The following RALGPS1 variants were observed in gnomAD, a reference collection of about 807,000 sequenced individuals.
RALGPS1 encodes the protein Ral GEF with PH domain and SH3 binding motif 1.
In RALGPS1, 19 loss-of-function variants were observed where a neutral mutation model predicts 78.8. The observed-to-expected ratio is 0.24, with a 90% confidence interval of 0.17 to 0.35. RALGPS1 has a LOEUF of 0.35. RALGPS1 is among the 10% of genes least tolerant of loss of function. The pLI is 1.00. For missense variants in RALGPS1, 454 were observed against 688.3 expected (o/e 0.66, Z 3.81); for synonymous variants, 228 against 256.3 (o/e 0.89, Z 1.06).
chr9:126,935,979 C>T (rs1225982204), intron 1 of RALGPS1, among the ~76,000 whole-genome samples: 1 of 152,194 alleles, frequency 6.6e-6, no homozygotes, highest in Non-Finnish European at 1.5e-5. Context: ...GCTGAATTGG[C>T]CCGAGTCCAT....
At chr9:127,204,078 A>T (rs1403875806) in intron 14 of RALGPS1, among the ~76,000 whole-genome samples, 1 of 152,178 alleles carries the variant, frequency 6.6e-6, no homozygotes, top group Non-Finnish European at 1.5e-5. Flanking sequence ...AGTACCTCTG[A>T]GCCTCCATTC....
At chr9:127,093,699 G>C (rs1363508654) in intron 8 of RALGPS1, 1 of 1,610,130 alleles carries the variant, frequency 6.2e-7, no homozygotes, top group Non-Finnish European at 8.5e-7. Flanking sequence ...CAGTCACCTT[G>C]TGGGCAGCAC....
rs549919716 is a variant in RALGPS1, at chr9:127,196,901, A to G, written c.1195+270A>G. Among the ~76,000 whole-genome samples the G allele has an allele frequency of 3.9e-5, 6 of 152,318 alleles. No homozygotes were observed. The East Asian group carries it at 1.2e-3, about 29-fold the overall frequency. On this transcript the variant is annotated intron_variant, in intron 13 of 18. Transcript: ENST00000259351. ...GGCAGGCAGGTAGAAAAAGCAGCCA[A>G]ACACATGCCTGAGACCAGCTGCCAT...
At position 126,958,138 on chromosome 9, in the gene RALGPS1, A is replaced by AT. The variant is rs1447685873; in HGVS notation, c.-65-4087_-65-4086insT. Among the ~76,000 whole-genome samples, 730 of 86,282 alleles carry AT rather than the reference A, an allele frequency of 8.5e-3. 9 individuals are homozygous for AT. Among genetic ancestry groups the AT allele is most frequent in the African/African-American group, 0.023 (688 of 30,344 alleles). 56.6% of individuals were successfully genotyped at this position (86,282 alleles called of 152,430 possible). A position where few individuals can be genotyped will look rare whatever the true frequency, so the allele number is the denominator to read the frequency against. On this transcript the variant is annotated intron_variant, in intron 1 of 18. Coordinates refer to ENST00000259351, the MANE Select transcript of RALGPS1 (RefSeq NM_014636.3). ...AGAGCTGTCTCTTTAAAAAAAAAAA[A>AT]AAAAATATATATATATATATACACA...
chr9:127,204,768 A>T (rs1338205246), intron 14 of RALGPS1, among the ~76,000 whole-genome samples: 2 of 152,152 alleles, frequency 1.3e-5, no homozygotes, highest in African/African-American at 4.8e-5. Context: ...ATCCTTAGGG[A>T]GGCACCAGGG....
At chr9:127,169,075 C>A (rs1431269823) in intron 10 of RALGPS1, among the ~76,000 whole-genome samples, 1 of 152,190 alleles carries the variant, frequency 6.6e-6, no homozygotes, top group Non-Finnish European at 1.5e-5. Context: ...TATGGCTTTC[C>A]CACATGGCGT....
At chr9:127,175,551 C>T (rs966164139) in intron 11 of RALGPS1, among the ~76,000 whole-genome samples, 8 of 150,220 alleles carry the variant, frequency 5.3e-5, no homozygotes, top group Admixed American at 1.3e-4. Context: ...AGGGAGAGGT[C>T]GGGGGCGTGG....
At chr9:127,053,209 C>T (rs563412721) in intron 7 of RALGPS1, among the ~76,000 whole-genome samples, 11 of 152,178 alleles carry the variant, frequency 7.2e-5, no homozygotes, top group African/African-American at 2.2e-4. Flanking sequence ...GAGTGATGAC[C>T]GGGTCAGCGG....
At chr9:127,126,076 A>C (rs528852230) in intron 8 of RALGPS1, among the ~76,000 whole-genome samples, 1 of 152,090 alleles carries the variant, frequency 6.6e-6, no homozygotes, top group Non-Finnish European at 1.5e-5. Flanking sequence ...TGTATCTTGC[A>C]TTCTCAGAGT....
intron 4 of RALGPS1, among the ~76,000 whole-genome samples, chr9:127,021,876 G>T (rs2045490840): frequency 6.6e-6 from 1 of 152,098 alleles, no homozygotes; most frequent in Non-Finnish European, 1.5e-5. Flanking sequence ...GCAGTTGGCT[G>T]CTGCCCTGCG....
At chr9:127,197,261 G>A (rs1434050561) in intron 13 of RALGPS1, among the ~76,000 whole-genome samples, 1 of 151,840 alleles carries the variant, frequency 6.6e-6, no homozygotes, top group Admixed American at 6.6e-5. Context: ...TTGTAGGTCC[G>A]TACCCCTGCA....
chr9:126,918,024 A>T (rs1356642943), intron 1 of RALGPS1, among the ~76,000 whole-genome samples: 1 of 152,228 alleles, frequency 6.6e-6, no homozygotes, highest in African/African-American at 2.4e-5. Context: ...GTAGGTGCTC[A>T]CCGAATGCTT....
chr9:127,204,872 C>G (rs904881170), intron 14 of RALGPS1, among the ~76,000 whole-genome samples: 21 of 152,300 alleles, frequency 1.4e-4, no homozygotes, highest in African/African-American at 4.8e-4. Flanking sequence ...ATCAGAGGAC[C>G]CTGGTAGATG....
chr9:127,100,681 C>T (rs2053632737), intron 8 of RALGPS1, among the ~76,000 whole-genome samples: 1 of 152,144 alleles, frequency 6.6e-6, no homozygotes, highest in African/African-American at 2.4e-5. Context: ...GGCCATGGCT[C>T]TGTCAGAGAC....
intron 14 of RALGPS1, among the ~76,000 whole-genome samples, chr9:127,204,427 G>A (rs1330073005): frequency 6.6e-6 from 1 of 152,160 alleles, no homozygotes; most frequent in Non-Finnish European, 1.5e-5. Flanking sequence ...GCCTGAGTTG[G>A]AGACTTTTAT....
intron 8 of RALGPS1, among the ~76,000 whole-genome samples, chr9:127,162,044 G>T (rs1271429265): frequency 6.6e-6 from 1 of 152,202 alleles, no homozygotes; most frequent in Non-Finnish European, 1.5e-5. Flanking sequence ...TTGACTGGTG[G>T]TGGCTCTCTC....
intron 4 of RALGPS1, chr9:126,989,921 C>T: frequency 1.3e-6 from 2 of 1,550,464 alleles, no homozygotes; most frequent in Non-Finnish European, 8.7e-7. Flanking sequence ...ATGGAAGACT[C>T]CCTGCAGAAG....
chr9:127,066,713 A>T (rs1281503505), intron 7 of RALGPS1, among the ~76,000 whole-genome samples: 2 of 152,154 alleles, frequency 1.3e-5, no homozygotes, highest in Non-Finnish European at 2.9e-5. Flanking sequence ...CTGAGTATAT[A>T]TTGTTCATTG....
intron 7 of RALGPS1, among the ~76,000 whole-genome samples, chr9:127,053,424 T>A (rs1654629122): frequency 6.6e-6 from 1 of 152,074 alleles, no homozygotes; most frequent in African/African-American, 2.4e-5. Flanking sequence ...AGAGGTGGAG[T>A]CTGATAGTTA....
Sources: allele counts gnomAD v4.1 joint callset (sites outside exome capture counted in the v4.1 genomes callset), GRCh38; gene constraint gnomAD v4.1.1; transcripts MANE v1.5; gene names NCBI Gene and HGNC (gene_info 2026-07-23, HGNC 2026-07-21).